The following HUS1 variants were observed in gnomAD, a reference collection of about 807,000 sequenced individuals.
The protein encoded by HUS1 is checkpoint protein HUS1.
Under a neutral mutation model 32.6 loss-of-function variants are expected in HUS1, and 31 were observed. That is an observed-to-expected ratio of 0.95 (90% CI 0.72 to 1.28). The LOEUF is 1.28. Among genes scored for constraint, HUS1 ranks in the 50% most tolerant of loss-of-function variants. HUS1 has a pLI of 0.00. For missense variants in HUS1, 340 were observed against 337.7 expected (o/e 1.01, Z -0.05); for synonymous variants, 123 against 116.6 (o/e 1.06, Z -0.36).
At chr7:47,978,079 G>C (rs1030927942) in intron 3 of HUS1, among the ~76,000 whole-genome samples, 3 of 150,770 alleles carry the variant, frequency 2.0e-5, no homozygotes, top group Non-Finnish European at 4.4e-5. Context: ...TAGCAGATGA[G>C]GCAGGGTGGG....
chr7:47,967,601 T>TTG (rs1209927749), intron 7 of HUS1, among the ~76,000 whole-genome samples: 1 of 152,000 alleles, frequency 6.6e-6, no homozygotes, highest in Non-Finnish European at 1.5e-5. Flanking sequence ...TGCCCAGGGG[T>TTG]TGTTTCTCTG....
In HUS1 at chr7:47,976,820, A is replaced by G. The variant is rs768800136; in HGVS notation, c.375T>C (p.Ser125=). 1.9e-6 allele frequency: 3 copies of G among 1,609,696 alleles called. No individual in the cohort carries two copies. The highest frequency in any genetic ancestry group is 2.6e-6 in the Non-Finnish European group (3 of 1,176,236). ...VSVELLSMSS[S]SRIVTHDIPI... is the part of the protein sequence containing the mutation. ...GGATGTCATGGGTCACAATGCGGCT[A>G]CTGCTTGACATAGATAACTGCCAAG... is the stretch of plus-strand genomic sequence containing the variant. The change falls in exon 4 of 8, where the codon AGT becomes AGC. Residue 125 remains serine, a synonymous_variant. Transcript: ENST00000258774.
At chr7:47,965,543 ATC>A (rs1282304802) in intron 7 of HUS1, 105 bp from the exon 8 acceptor site, 2 of 731,936 alleles carry the variant, frequency 2.7e-6, no homozygotes, top group East Asian at 5.6e-5. Flanking sequence ...TGTTTTAGGC[ATC>A]TGTCTTCCCT....
chr7:47,976,579 C>A (rs747286336), intron 4 of HUS1, 151 bp downstream of exon 4: 58 of 649,990 alleles, frequency 8.9e-5, no homozygotes, highest in Non-Finnish European at 1.4e-5. Flanking sequence ...TTTTAAGATG[C>A]TTTATGTAAA....
chr7:47,965,736 T>G (rs1583712049), intron 7 of HUS1, among the ~76,000 whole-genome samples: 1 of 152,150 alleles, frequency 6.6e-6, no homozygotes, highest in African/African-American at 2.4e-5. Context: ...AGCATCCTTC[T>G]GCAGCGAAGA....
At chr7:47,978,855 CATT>C in intron 1 of HUS1, 39 bp from the exon 2 acceptor site, 1 of 1,600,324 alleles carries the variant, frequency 6.2e-7, no homozygotes, top group Non-Finnish European at 8.5e-7. Flanking sequence ...CTAAAATGCA[CATT>C]ATGTATCCTA....
chr7:47,969,161 A>G (rs528385794), intron 6 of HUS1, 58 bp downstream of exon 6: 1 of 795,896 alleles, frequency 1.3e-6, no homozygotes, highest in Non-Finnish European at 2.1e-6. Flanking sequence ...CTCAACAGGT[A>G]GGTTATCTGA....
chr7:47,976,840 G>A lies in HUS1; in HGVS notation c.358-3C>T, dbSNP rs1788715772. On this transcript the variant is annotated splice_region_variant and splice_polypyrimidine_tract_variant and intron_variant, in intron 3 of 7. Transcript: ENST00000258774. ...CGGCTACTGCTTGACATAGATAACTGCCAAGAAAAGAATTTAAAAATATTT... is the reference window on the plus strand; with the variant it reads ...CGGCTACTGCTTGACATAGATAACTACCAAGAAAAGAATTTAAAAATATTT... 2 of 1,570,554 alleles carry A rather than the reference G, an allele frequency of 1.3e-6. No individual in the cohort carries two copies. The highest frequency in any genetic ancestry group is 2.2e-5 in the East Asian group (1 of 44,642).
intron 7 of HUS1, among the ~76,000 whole-genome samples, chr7:47,966,597 G>C (rs1029973446): frequency 3.3e-5 from 5 of 152,150 alleles, no homozygotes; most frequent in Admixed American, 2.6e-4. Context: ...AGGACCAAGG[G>C]TCTGGGCATT....
At chr7:47,975,344 C>A (rs1020164559) in intron 5 of HUS1, among the ~76,000 whole-genome samples, 2 of 147,876 alleles carry the variant, frequency 1.4e-5, no homozygotes, top group African/African-American at 2.5e-5. Flanking sequence ...AAGAAAGATA[C>A]AATGTTTCAT....
intron 5 of HUS1, chr7:47,971,372 A>G (rs568504101): frequency 5.1e-6 from 2 of 393,484 alleles, no homozygotes; most frequent in Admixed American, 5.8e-5. Flanking sequence ...GACTTCTGCC[A>G]TCCCCTCATA....
chr7:47,968,036 G>C, intron 6 of HUS1, 111 bp from the exon 7 acceptor site: 1 of 1,109,124 alleles, frequency 9.0e-7, no homozygotes, highest in East Asian at 2.5e-5. Context: ...ACTGATTTTA[G>C]CATCCTGAAG....
chr7:47,979,198 G>A (rs1158325435), intron 1 of HUS1, among the ~76,000 whole-genome samples: 2 of 152,018 alleles, frequency 1.3e-5, no homozygotes, highest in Non-Finnish European at 2.9e-5. Flanking sequence ...TGGGAGCAGT[G>A]GCCGCTTTTT....
chr7:47,976,886 A>T (rs745447553), intron 3 of HUS1, 49 bp from the exon 4 acceptor site: 97 of 1,254,490 alleles, frequency 7.7e-5, no homozygotes, highest in Non-Finnish European at 1.2e-6. Context: ...AATATTAAGC[A>T]ACAACAAAAC....
intron 6 of HUS1, among the ~76,000 whole-genome samples, chr7:47,968,430 A>C (rs916832729): frequency 3.9e-5 from 6 of 152,266 alleles, no homozygotes; most frequent in African/African-American, 1.4e-4. Context: ...CTGCTGGAGC[A>C]GGATGCTCTT....
At chr7:47,976,331 C>A in intron 4 of HUS1, 1 of 458,460 alleles carries the variant, frequency 2.2e-6, no homozygotes, top group Middle Eastern at 3.2e-4. Flanking sequence ...ACCGTTACCC[C>A]ATGTTAGCCC....
intron 7 of HUS1, among the ~76,000 whole-genome samples, chr7:47,967,188 T>A (rs1297049600): frequency 6.6e-6 from 1 of 152,080 alleles, no homozygotes; most frequent in Non-Finnish European, 1.5e-5. Context: ...GTGATTTCAG[T>A]AGTAAGGTGA....
chr7:47,975,673 TAAATAAA>T lies in HUS1; in HGVS notation c.473_479del (p.Ile158AsnfsTer4). ...CACTCTTCATAGTCTTCAAGACTGG[TAAATAAA>T]TACTAACCTACAAAACCAATGAGAA... On this transcript the variant is annotated frameshift_variant, in exon 5 of 8. Transcript: ENST00000258774. LOFTEE classifies it high-confidence loss of function. 1 of 1,588,510 alleles carries T rather than the reference TAAATAAA, an allele frequency of 6.3e-7. No individual in the cohort carries two copies. The highest frequency in any genetic ancestry group is 8.6e-7 in the Non-Finnish European group (1 of 1,160,748).
chr7:47,975,761 ACTAAC>A (rs1788691057), intron 4 of HUS1, 74 bp from the exon 5 acceptor site: 1 of 799,166 alleles, frequency 1.3e-6, no homozygotes, highest in Non-Finnish European at 2.1e-6. Context: ...GGGCCCCATA[ACTAAC>A]TCTAGAACAC....
Sources: allele counts gnomAD v4.1 joint callset (sites outside exome capture counted in the v4.1 genomes callset), GRCh38; gene constraint gnomAD v4.1.1; transcripts MANE v1.5; gene names NCBI Gene and HGNC (gene_info 2026-07-23, HGNC 2026-07-21).